The following CDK11B variants were observed in gnomAD, a reference collection of about 807,000 sequenced individuals.
CDK11B encodes the protein cyclin-dependent kinase 11B.
CDK11B carries 37 observed loss-of-function variants against 84.0 expected under a neutral mutation model. That is an observed-to-expected ratio of 0.44 (90% CI 0.34 to 0.58). The LOEUF is 0.58. CDK11B is among the 20% of genes least tolerant of loss of function. CDK11B has a pLI of 0.02. For synonymous variants in CDK11B, 269 were observed against 309.8 expected (o/e 0.87, Z 1.38); for missense variants, 427 against 834.0 (o/e 0.51, Z 6.01).
At chr1:1,649,415 A>C in intron 5 of CDK11B, 84 bp downstream of exon 5, 4,103 of 838,632 alleles carry the variant, frequency 4.9e-3, no homozygotes, top group Non-Finnish European at 7.0e-3. Flanking sequence ...TGTGACTTCT[A>C]TTGCCAAATT....
intron 3 of CDK11B, among the ~76,000 whole-genome samples, chr1:1,654,893 T>C (rs191145027): frequency 5.5e-5 from 8 of 146,662 alleles, no homozygotes; most frequent in East Asian, 4.2e-4. Context: ...CTTCTGACCT[T>C]GTGATCCGCC....
intron 11 of CDK11B, among the ~76,000 whole-genome samples, chr1:1,639,386 C>T (rs1418784895): frequency 4.0e-5 from 6 of 151,660 alleles, no homozygotes; most frequent in African/African-American, 9.7e-5. Flanking sequence ...CACTCCACTC[C>T]GGCCTGGGTG....
intron 15 of CDK11B, 35 bp from the exon 16 acceptor site, chr1:1,637,039 C>A: frequency 6.2e-7 from 1 of 1,612,586 alleles, no homozygotes; most frequent in Non-Finnish European, 8.5e-7. Context: ...GAGTGGGCCC[C>A]GGCAGGTCTC....
At chr1:1,639,695 A>T (rs992333260) in intron 11 of CDK11B, among the ~76,000 whole-genome samples, 5 of 151,368 alleles carry the variant, frequency 3.3e-5, no homozygotes, top group Admixed American at 2.6e-4. Context: ...GCCAGAGAGA[A>T]CCTCTCCGCC....
At chr1:1,656,924 C>T (rs979750096) in intron 2 of CDK11B, among the ~76,000 whole-genome samples, 1 of 152,212 alleles carries the variant, frequency 6.6e-6, no homozygotes, top group Non-Finnish European at 1.5e-5. Flanking sequence ...TGCTAAAGAT[C>T]TTAGCAAAAG....
In CDK11B at chr1:1,635,561, G is replaced by A; in HGVS notation, c.*203C>T. 1 of 504,528 alleles carries A rather than the reference G, an allele frequency of 2.0e-6. No individual in the cohort carries two copies. Among genetic ancestry groups the A allele is most frequent in the Non-Finnish European group, 3.4e-6 (1 of 296,176 alleles). 31.3% of individuals were successfully genotyped at this position (504,528 alleles called of 1,614,324 possible). A position where few individuals can be genotyped will look rare whatever the true frequency, so the allele number is the denominator to read the frequency against. ...GAAGATGTCCACCCTCTCCGCCCTG[G>A]GCAAGTCACGGAGAAAACACAGCTC... is the stretch of plus-strand genomic sequence containing the variant. On this transcript the variant is annotated 3_prime_UTR_variant, in exon 20 of 20. Transcript: ENST00000341832.
chr1:1,636,823 G>T, intron 16 of CDK11B, 25 bp from the exon 17 acceptor site: 5 of 1,613,738 alleles, frequency 3.1e-6, no homozygotes, highest in Non-Finnish European at 4.2e-6. Context: ...GAGGTGTTCA[G>T]GAGGGCCAGT....
At chr1:1,650,522 C>T (rs1485635579) in intron 4 of CDK11B, among the ~76,000 whole-genome samples, 9 of 151,120 alleles carry the variant, frequency 6.0e-5, no homozygotes, top group East Asian at 2.0e-4. Context: ...CCTGCCACCA[C>T]GCCCGGCTAA....
chr1:1,637,324 C>A (rs570664072), intron 14 of CDK11B, 84 bp downstream of exon 14: 1 of 1,569,128 alleles, frequency 6.4e-7, no homozygotes, highest in Middle Eastern at 1.7e-4. Context: ...TGCAGCTGGC[C>A]CTCCCTGCAG....
In CDK11B at chr1:1,637,460, C is replaced by T. The variant is rs1350163480; in HGVS notation, c.1518G>A (p.Val506=). The change falls in exon 14 of 20, where the codon GTG becomes GTA. Residue 506 remains valine, a synonymous_variant. Transcript: ENST00000341832. ...CCATCAGGCTCTTGAGGTCGTGCTC[C>T]ACATAGTTCATCACGATGTAGATCT... ...MDKIYIVMNY[V]EHDLKSLMET... is the part of the protein sequence containing the mutation. 2.5e-6 allele frequency: 4 copies of T among 1,613,772 alleles called. No homozygotes were observed. In the South Asian group the frequency reaches 3.3e-5, roughly 13 times the overall value.
intron 14 of CDK11B, 28 bp downstream of exon 14, chr1:1,637,380 C>T (rs773360175): frequency 1.9e-6 from 3 of 1,608,010 alleles, no homozygotes; most frequent in East Asian, 2.2e-5. Context: ...CACTTGTACG[C>T]AGACAGGCCC....
At position 1,652,441 on chromosome 1, in the gene CDK11B, C is replaced by A. The variant is rs1283555117; in HGVS notation, c.353G>T (p.Gly118Val). 4 of 1,499,432 alleles carry A rather than the reference C, an allele frequency of 2.7e-6. No individual in the cohort carries two copies. Among genetic ancestry groups the A allele is most frequent in the African/African-American group, 2.9e-5 (2 of 68,072 alleles). 92.9% of individuals were successfully genotyped at this position (1,499,432 alleles called of 1,614,324 possible). A position where few individuals can be genotyped will look rare whatever the true frequency, so the allele number is the denominator to read the frequency against. ...AAAGAAAGTAAATGCTTCTGTACCC[C>A]CTTCTGCTGAATGGCTACGATGCCT... Reference protein sequence around the residue: ...KRRHRSHSAEGGKHARVKEKE... With the variant: ...KRRHRSHSAEVGKHARVKEKE... The change falls in exon 4 of 20, where the codon GGG (glycine) becomes GTG (valine). Residue 118 changes from glycine to valine, a missense_variant and splice_region_variant. Coordinates refer to ENST00000341832, the MANE Select transcript of CDK11B (RefSeq NM_033486.3).
chr1:1,649,194 G>T (rs1641576109), intron 5 of CDK11B, among the ~76,000 whole-genome samples: 1 of 152,136 alleles, frequency 6.6e-6, no homozygotes, highest in African/African-American at 2.4e-5. Context: ...CCACCTTCCG[G>T]GTTCACGCCA....
rs1642139439 is a variant in CDK11B at position 1,652,438 on chromosome 1, C to A, written c.355+1G>T. The A allele has an allele frequency of 6.7e-7, 1 of 1,495,908 alleles. No homozygotes were observed. Among genetic ancestry groups the A allele is most frequent in the Non-Finnish European group, 8.8e-7 (1 of 1,131,628 alleles). The allele number at this position is 1,495,908 out of a possible 1,614,324, so 92.7% of individuals were successfully genotyped here. A position where few individuals can be genotyped will look rare whatever the true frequency, so the allele number is the denominator to read the frequency against. On this transcript the variant is annotated splice_donor_variant, in intron 4 of 19. Transcript: ENST00000341832. LOFTEE classifies it high-confidence loss of function. ...GTCAAAGAAAGTAAATGCTTCTGTA[C>A]CCCCTTCTGCTGAATGGCTACGATG...
chr1:1,655,535 T>A (rs1341836881), intron 2 of CDK11B, 51 bp from the exon 3 acceptor site: 2 of 1,510,804 alleles, frequency 1.3e-6, no homozygotes, highest in African/African-American at 2.8e-5. Flanking sequence ...TTTTTTTTCT[T>A]CATAGATAAA....
At position 1,637,398 on chromosome 1, in the gene CDK11B, G is replaced by A. The variant is rs755620889; in HGVS notation, c.1570+10C>T. 4.3e-5 allele frequency: 68 copies of A among 1,597,696 alleles called. 1 individual carries two copies. Among genetic ancestry groups the A allele is most frequent in the East Asian group, 9.1e-5 (4 of 43,918 alleles). On this transcript the variant is annotated intron_variant, in intron 14 of 19. Coordinates refer to ENST00000341832, the MANE Select transcript of CDK11B (RefSeq NM_033486.3). ...TTGTACGCAGACAGGCCCCTGGGGC[G>A]CGGCTGTACCTGGCAGGAAGGGCTG... is the stretch of plus-strand genomic sequence containing the variant.
At position 1,653,499 on chromosome 1, in the gene CDK11B, G is replaced by A. The variant is rs549802755; in HGVS notation, c.228-933C>T. ...CCATGCCAGGCTAATTTTTGTATTT[G>A]TAGTAGAGACGGGCTTTCACCATGT... On this transcript the variant is annotated intron_variant, in intron 3 of 19. Coordinates refer to ENST00000341832, the MANE Select transcript of CDK11B (RefSeq NM_033486.3). Among the ~76,000 whole-genome samples the A allele has an allele frequency of 1.5e-4, 22 of 151,098 alleles. 1 individual carries two copies. The highest frequency in any genetic ancestry group is 4.8e-4 in the African/African-American group (20 of 41,256).
intron 3 of CDK11B, among the ~76,000 whole-genome samples, chr1:1,653,844 AC>A (rs1642351731): frequency 1.3e-5 from 2 of 149,214 alleles, no homozygotes; most frequent in South Asian, 4.5e-4. Context: ...ACACACACAC[AC>A]ACACACACAC....
chr1:1,653,184 C>T (rs1310782462), intron 3 of CDK11B, among the ~76,000 whole-genome samples: 1 of 151,726 alleles, frequency 6.6e-6, no homozygotes, highest in African/African-American at 2.4e-5. Flanking sequence ...GCCACCACAC[C>T]CGGCTAATTT....
Sources: allele counts gnomAD v4.1 joint callset (sites outside exome capture counted in the v4.1 genomes callset), GRCh38; gene constraint gnomAD v4.1.1; transcripts MANE v1.5; gene names NCBI Gene and HGNC (gene_info 2026-07-23, HGNC 2026-07-21).